Variants in ZMIZ1 observed in about 807,000 individuals in gnomAD.
ZMIZ1 encodes the protein zinc finger MIZ-type containing 1.
In ZMIZ1, 17 loss-of-function variants were observed where a neutral mutation model predicts 113.9. That is an observed-to-expected ratio of 0.15 (90% CI 0.10 to 0.22). The LOEUF (loss-of-function observed/expected upper bound fraction) is 0.22, where lower values mean the gene tolerates loss of function less well. Among genes scored for constraint, ZMIZ1 ranks in the 10% least tolerant of loss-of-function variants. The pLI is 1.00. For missense variants in ZMIZ1, 1,059 were observed against 1,477.8 expected, an observed-to-expected ratio of 0.72 and a Z score of 4.65; for synonymous variants, 607 against 603.1, an observed-to-expected ratio of 1.01 and a Z score of -0.09.
chr10:79,128,593 T>A (rs1373047542), intron 2 of ZMIZ1, among the ~76,000 whole-genome samples: 1 of 128,826 alleles, frequency 7.8e-6, no homozygotes, highest in Non-Finnish European at 1.6e-5. Context: ...TTTCTCTTGC[T>A]GTGTAAATAG....
chr10:79,122,183 C>T (rs760274183), intron 2 of ZMIZ1, among the ~76,000 whole-genome samples: 2 of 152,142 alleles, frequency 1.3e-5, no homozygotes, highest in Non-Finnish European at 2.9e-5. Context: ...ACCAGGCCCA[C>T]GACCTTGGGC....
chr10:79,255,186 CT>C (rs1352044258), intron 7 of ZMIZ1, among the ~76,000 whole-genome samples: 1 of 152,250 alleles, frequency 6.6e-6, no homozygotes, highest in African/African-American at 2.4e-5. Flanking sequence ...GCTCACGACA[CT>C]GCCCTGCTCC....
At chr10:79,184,986 G>T (rs1460649210) in intron 4 of ZMIZ1, among the ~76,000 whole-genome samples, 1 of 152,202 alleles carries the variant, frequency 6.6e-6, no homozygotes, top group Non-Finnish European at 1.5e-5. Context: ...GTAGCTGCTT[G>T]CACAAGTGCA....
At chr10:79,198,119 C>T (rs912470611) in intron 4 of ZMIZ1, among the ~76,000 whole-genome samples, 5 of 151,940 alleles carry the variant, frequency 3.3e-5, no homozygotes, top group Admixed American at 1.3e-4. Flanking sequence ...ACTAGCCGGA[C>T]GTGGTGGTGG....
At chr10:79,206,710 G>A (rs893239244) in intron 5 of ZMIZ1, among the ~76,000 whole-genome samples, 1 of 152,214 alleles carries the variant, frequency 6.6e-6, no homozygotes, top group African/African-American at 2.4e-5. Flanking sequence ...AGGGCCAAGG[G>A]CAGCCCCACA....
intron 4 of ZMIZ1, among the ~76,000 whole-genome samples, chr10:79,182,575 G>A (rs1446127742): frequency 6.6e-6 from 1 of 152,220 alleles, no homozygotes; most frequent in Non-Finnish European, 1.5e-5. Context: ...ATACCAGCAA[G>A]GTGACCCCAG....
chr10:79,301,037 C>G (rs1854264384), intron 17 of ZMIZ1, 95 bp downstream of exon 17: 1 of 1,511,376 alleles, frequency 6.6e-7, no homozygotes, highest in East Asian at 2.4e-5. Context: ...GGTCCTCAGC[C>G]TTGTCCCTGC....
chr10:79,120,861 AGGTGGTGG>A (rs1844261378), intron 2 of ZMIZ1, among the ~76,000 whole-genome samples: 1 of 152,138 alleles, frequency 6.6e-6, no homozygotes. Flanking sequence ...GCCTCCACCA[AGGTGGTGG>A]GGTCTGTGTC....
At chr10:79,150,173 C>T (rs925883221) in intron 3 of ZMIZ1, among the ~76,000 whole-genome samples, 7 of 152,204 alleles carry the variant, frequency 4.6e-5, no homozygotes, top group Admixed American at 6.5e-5. Context: ...GGCCCCGGGC[C>T]GCAGCCGTGC....
At chr10:79,138,116 G>A (rs1845094982) in intron 2 of ZMIZ1, among the ~76,000 whole-genome samples, 1 of 152,184 alleles carries the variant, frequency 6.6e-6, no homozygotes, top group Non-Finnish European at 1.5e-5. Flanking sequence ...CAACCTGTGG[G>A]CAGAGTGGGA....
chr10:79,112,679 A>C (rs2132299285), intron 1 of ZMIZ1, among the ~76,000 whole-genome samples: 1 of 152,322 alleles, frequency 6.6e-6, no homozygotes, highest in African/African-American at 2.4e-5. Context: ...GGCTGATTGC[A>C]CATATATCCC....
intron 1 of ZMIZ1, among the ~76,000 whole-genome samples, chr10:79,070,563 A>T (rs1247842819): frequency 1.3e-5 from 2 of 151,398 alleles, no homozygotes; most frequent in Non-Finnish European, 2.9e-5. Context: ...CCCCGGGGAC[A>T]GCCGGTCGGC....
In ZMIZ1 at chr10:79,310,931, A is replaced by C; in HGVS notation, c.2843A>C (p.His948Pro). 6.2e-7 allele frequency: 1 copy of C among 1,612,862 alleles called. No homozygotes were observed. Among genetic ancestry groups the C allele is most frequent in the Non-Finnish European group, 8.5e-7 (1 of 1,179,312 alleles). ...CTCTCTCCTCCTCCACAGATGCCAC[A>C]CGCTGGCAGCTCTGACCAGCCCCAC... ...LSHPMQETMP[H>P]AGSSDQPHPS... The change falls in exon 24 of 25, where the codon CAC (histidine) becomes CCC (proline). Residue 948 changes from histidine to proline, a missense_variant. His to Pro is a moderately conservative substitution (Grantham distance 77, BLOSUM62 -2). This residue lies in a region of ZMIZ1 where 225 missense variants were observed against 276.0 expected (regional missense o/e 0.82). Transcript: ENST00000334512.
In ZMIZ1 at chr10:79,296,464, A is replaced by G. The variant is rs776791865; in HGVS notation, c.1231-7A>G. 9 of 1,613,678 alleles carry G rather than the reference A, an allele frequency of 5.6e-6. No homozygotes were observed. Among genetic ancestry groups the G allele is most frequent in the East Asian group, 4.5e-5 (2 of 44,846 alleles). On this transcript the variant is annotated splice_polypyrimidine_tract_variant and splice_region_variant and intron_variant, in intron 12 of 24. Transcript: ENST00000334512. The surrounding 1 kb of genome is among the most constrained non-coding windows in gnomAD (Gnocchi z 4.1). ...GTGTTTCCCCTCTCCTTTCTCTCCC[A>G]CCACAGCCCAACTATGGAAACCAGC...
chr10:79,210,211 A>G (rs1424061344), intron 6 of ZMIZ1, among the ~76,000 whole-genome samples: 2 of 151,734 alleles, frequency 1.3e-5, no homozygotes, highest in African/African-American at 4.8e-5. Context: ...AGGCTGCCAC[A>G]GTCTCCAGCA....
chr10:79,261,985 G>T (rs1228876612), intron 7 of ZMIZ1, among the ~76,000 whole-genome samples: 1 of 152,168 alleles, frequency 6.6e-6, no homozygotes, highest in East Asian at 1.9e-4. Flanking sequence ...GAGAGCTCAG[G>T]GTCAAATCTC....
At chr10:79,212,371 A>G (rs1472378567) in intron 6 of ZMIZ1, among the ~76,000 whole-genome samples, 6 of 151,778 alleles carry the variant, frequency 4.0e-5, no homozygotes, top group Admixed American at 1.3e-4. Context: ...GGGCCTTGCT[A>G]TGTTGCCCAG....
chr10:79,299,526 G>C (rs1446208513), intron 16 of ZMIZ1, among the ~76,000 whole-genome samples: 4 of 152,240 alleles, frequency 2.6e-5, no homozygotes, highest in Non-Finnish European at 5.9e-5. Context: ...AAGAATTCGA[G>C]TGTGACTCAT....
intron 1 of ZMIZ1, among the ~76,000 whole-genome samples, chr10:79,088,220 G>GGATA (rs753773695): frequency 6.6e-6 from 1 of 152,246 alleles, no homozygotes; most frequent in Non-Finnish European, 1.5e-5. Flanking sequence ...CTGGGTCTGA[G>GGATA]GATACCTGTG....
Sources: gnomAD v4.1 joint callset for allele counts (sites outside exome capture counted in the v4.1 genomes callset) on GRCh38, gnomAD v4.1.1 for gene constraint, gnomAD v4.1.1 regional missense constraint, Gnocchi (gnomAD v3.1) non-coding constraint, MANE v1.5 for transcripts, NCBI Gene and HGNC (gene_info 2026-07-23, HGNC 2026-07-21) for gene names.